Variants in SLC26A7 observed in about 807,000 individuals in gnomAD.
SLC26A7 encodes solute carrier family 26 member 7, also known as anion exchange transporter.
In SLC26A7, 59 loss-of-function variants were observed where a neutral mutation model predicts 82.5. The observed-to-expected ratio is 0.72, with a 90% CI of 0.58 to 0.89. SLC26A7 has a LOEUF of 0.89. Among genes scored for constraint, SLC26A7 ranks in the 40% least tolerant of loss-of-function variants. SLC26A7 has a pLI of 0.00. For missense variants in SLC26A7, 820 were observed against 793.0 expected, an observed-to-expected ratio of 1.03 and a Z score of -0.41; for synonymous variants, 271 against 274.3, an observed-to-expected ratio of 0.99 and a Z score of 0.12.
chr8:91,354,604 A>G (rs767874222), intron 11 of SLC26A7, among the ~76,000 whole-genome samples: 4 of 152,158 alleles, frequency 2.6e-5, no homozygotes, highest in Admixed American at 2.6e-4. Context: ...TTTGAGGAAG[A>G]TGGATCAAAC....
chr8:91,269,250 T>G (rs1166414424), intron 2 of SLC26A7, among the ~76,000 whole-genome samples: 3 of 152,086 alleles, frequency 2.0e-5, no homozygotes, highest in Middle Eastern at 3.2e-3. Flanking sequence ...AAGAACTTTC[T>G]TTAGCATTTT....
At position 91,395,311 on chromosome 8, in the gene SLC26A7, G is replaced by A; in HGVS notation, c.*214G>A. On this transcript the variant is annotated 3_prime_UTR_variant, in exon 19 of 19. Transcript: ENST00000276609. The stretch of plus-strand genomic sequence containing the variant: ...AAGAAGATTCGCTTAGTTATTTTAT[G>A]TAAAAATCAGTATGTGTTTAGTTTT... 1 of 1,222,664 alleles carries A rather than the reference G, an allele frequency of 8.2e-7. No individual in the cohort carries two copies. Among genetic ancestry groups the A allele is most frequent in the Non-Finnish European group, 1.1e-6 (1 of 941,518 alleles). 75.7% of individuals were successfully genotyped at this position (1,222,664 alleles called of 1,614,324 possible).
At chr8:91,302,865 A>G (rs1586384256) in intron 4 of SLC26A7, among the ~76,000 whole-genome samples, 1 of 115,222 alleles carries the variant, frequency 8.7e-6, no homozygotes. Context: ...GCAAAACTTT[A>G]TTGCTGTTTA....
At chr8:91,365,197 G>A (rs2130873729) in intron 13 of SLC26A7, among the ~76,000 whole-genome samples, 1 of 152,124 alleles carries the variant, frequency 6.6e-6, no homozygotes, top group East Asian at 1.9e-4. Flanking sequence ...CAACACATTG[G>A]CACAATTATG....
In SLC26A7 at chr8:91,263,073, A is replaced by C. The variant is rs1489138234; in HGVS notation, c.193+13229A>C. ...ATCTCAAGGTTTTTCAATTGCAACA[A>C]AGTGATTGGTAGTAATTTTAGGACT... On this transcript the variant is annotated intron_variant, in intron 2 of 18. Coordinates refer to ENST00000276609, the MANE Select transcript of SLC26A7 (RefSeq NM_052832.4). Among the ~76,000 whole-genome samples, 5 of 152,188 alleles carry C rather than the reference A, an allele frequency of 3.3e-5. No individual in the cohort carries two copies. The East Asian group carries it at 5.8e-4, about 18-fold the overall frequency.
intron 16 of SLC26A7, among the ~76,000 whole-genome samples, chr8:91,389,714 G>C (rs1814901192): frequency 6.6e-6 from 1 of 152,156 alleles, no homozygotes; most frequent in African/African-American, 2.4e-5. Flanking sequence ...GATACAGTGG[G>C]CATAGGAGCT....
chr8:91,257,632 A>G lies in SLC26A7; in HGVS notation c.193+7788A>G, dbSNP rs563954392. ...TTTCTCAAAATAAAAAAATAAAAAA[A>G]AAACACATTTTTTCCCCTTCATTCT... On this transcript the variant is annotated intron_variant, in intron 2 of 18. Transcript: ENST00000276609. 2.6e-3 allele frequency among the ~76,000 whole-genome samples: 394 copies of G among 152,238 alleles called. 2 individuals carry two copies. The highest frequency in any genetic ancestry group is 8.7e-3 in the African/African-American group (362 of 41,554).
chr8:91,291,180 C>G (rs928197297), intron 3 of SLC26A7, among the ~76,000 whole-genome samples: 10 of 152,026 alleles, frequency 6.6e-5, no homozygotes, highest in Admixed American at 6.5e-4. Context: ...TAGCATAAGC[C>G]TTTTAAATAG....
chr8:91,246,808 G>C (rs555011688), upstream of SLC26A7, among the ~76,000 whole-genome samples: 10 of 151,850 alleles, frequency 6.6e-5, no homozygotes, highest in African/African-American at 2.4e-4. Context: ...GTTTTTCCCC[G>C]CAAAGGGAAT....
chr8:91,217,474 A>G (rs985950240), intron 1 of SLC26A7, among the ~76,000 whole-genome samples: 1 of 152,178 alleles, frequency 6.6e-6, no homozygotes, highest in African/African-American at 2.4e-5. Flanking sequence ...CCTTCTCCCA[A>G]TAGATGCAGA....
intron 14 of SLC26A7, among the ~76,000 whole-genome samples, chr8:91,368,958 C>T (rs1814277488): frequency 6.6e-6 from 1 of 152,080 alleles, no homozygotes; most frequent in Admixed American, 6.6e-5. Context: ...GTAGCACTGG[C>T]TATAAAGAAG....
intron 4 of SLC26A7, among the ~76,000 whole-genome samples, chr8:91,297,318 A>G (rs1261927763): frequency 6.6e-6 from 1 of 151,952 alleles, no homozygotes; most frequent in East Asian, 1.9e-4. Context: ...GAAAGTTTGA[A>G]ACAATCATCA....
intron 16 of SLC26A7, among the ~76,000 whole-genome samples, chr8:91,393,095 A>G (rs1382029113): frequency 6.6e-6 from 1 of 152,174 alleles, no homozygotes; most frequent in Non-Finnish European, 1.5e-5. Context: ...TATGTGTCAG[A>G]TACATCACTG....
At chr8:91,267,021 T>C (rs1811131123) in intron 2 of SLC26A7, among the ~76,000 whole-genome samples, 1 of 151,972 alleles carries the variant, frequency 6.6e-6, no homozygotes, top group Non-Finnish European at 1.5e-5. Context: ...TTGATTCTCT[T>C]AATGTGATGT....
chr8:91,222,390 A>G (rs1165020096), intron 2 of SLC26A7, among the ~76,000 whole-genome samples: 2 of 152,260 alleles, frequency 1.3e-5, no homozygotes, highest in Admixed American at 6.5e-5. Flanking sequence ...CCTGGCCAGA[A>G]CTTCCAATAC....
At chr8:91,324,760 G>A (rs1812889449) in intron 5 of SLC26A7, among the ~76,000 whole-genome samples, 1 of 152,164 alleles carries the variant, frequency 6.6e-6, no homozygotes, top group South Asian at 2.1e-4. Flanking sequence ...GTGATTGAAG[G>A]TGGGTAACGT....
intron 5 of SLC26A7, among the ~76,000 whole-genome samples, chr8:91,325,965 T>C (rs1033889120): frequency 6.6e-6 from 1 of 152,164 alleles, no homozygotes; most frequent in African/African-American, 2.4e-5. Flanking sequence ...CTGAGGTTTT[T>C]TTCTGATGCT....
rs1337061947 is a variant in SLC26A7, at chr8:91,318,202, C to T, written c.478-14C>T. 1.9e-6 allele frequency: 3 copies of T among 1,581,996 alleles called. No individual in the cohort carries two copies. The highest frequency in any genetic ancestry group is 1.4e-5 in the African/African-American group (1 of 73,808). On this transcript the variant is annotated splice_polypyrimidine_tract_variant and intron_variant, in intron 4 of 18. Transcript: ENST00000276609. ...TCATCTGAAGTTCATCTCACTTCTC[C>T]CTTCTCCTCTTAGGTGGCCATGTTT...
At position 91,279,141 on chromosome 8, in the gene SLC26A7, A is replaced by G. The variant is rs1011411226; in HGVS notation, c.194-9995A>G. On this transcript the variant is annotated intron_variant, in intron 2 of 18. Coordinates refer to ENST00000276609, the MANE Select transcript of SLC26A7 (RefSeq NM_052832.4). ...TGTGTGTGTGTATATATATATATATATATATATATATATATATATATATAT... is the reference window on the plus strand; with the variant it reads ...TGTGTGTGTGTATATATATATATATGTATATATATATATATATATATATAT... Among the ~76,000 whole-genome samples the G allele has an allele frequency of 1.2e-3, 127 of 108,686 alleles. 3 individuals carry two copies. Among genetic ancestry groups the G allele is most frequent in the African/African-American group, 3.8e-3 (94 of 24,766 alleles). 71.3% of individuals were successfully genotyped at this position (108,686 alleles called of 152,430 possible). A position where few individuals can be genotyped will look rare whatever the true frequency, so the allele number is the denominator to read the frequency against.
Sources: allele counts gnomAD v4.1 joint callset (sites outside exome capture counted in the v4.1 genomes callset), GRCh38; gene constraint gnomAD v4.1.1; transcripts MANE v1.5; gene names NCBI Gene and HGNC (gene_info 2026-07-23, HGNC 2026-07-21).